Variants in NBAS observed in about 807,000 individuals in gnomAD.
The protein encoded by NBAS is NAG/BC035112 fusion.
NBAS carries 219 observed loss-of-function variants against 302.5 expected under a neutral mutation model. The ratio of observed to expected loss-of-function variants is 0.72; its 90% CI spans 0.65 to 0.81. NBAS has a LOEUF of 0.81. Ranked by LOEUF, NBAS falls within the 30% of genes least tolerant of loss-of-function variation. The pLI is 0.00. For missense variants in NBAS, 2,932 were observed against 2,841.6 expected (o/e 1.03, Z -0.72); for synonymous variants, 1,118 against 1,021.6 (o/e 1.09, Z -1.80).
chr2:15,382,742 A>G (rs1675102488), intron 29 of NBAS, among the ~76,000 whole-genome samples: 1 of 152,164 alleles, frequency 6.6e-6, no homozygotes, highest in Non-Finnish European at 1.5e-5. Context: ...CTACTTTTTG[A>G]TTATTGATAT....
chr2:14,906,482 C>CT, the NBAS span, among the ~76,000 whole-genome samples: 1 of 152,162 alleles, frequency 6.6e-6, no homozygotes, highest in Non-Finnish European at 1.5e-5. Flanking sequence ...GCTGCCTCTG[C>CT]CTGTGATGTG....
chr2:15,112,426 G>T, the NBAS span, among the ~76,000 whole-genome samples: 5 of 152,030 alleles, frequency 3.3e-5, no homozygotes, highest in Non-Finnish European at 5.9e-5. Context: ...AGCCAGTGAA[G>T]ATCCAACATA....
the NBAS span, among the ~76,000 whole-genome samples, chr2:14,856,175 C>A: frequency 1.3e-5 from 2 of 152,158 alleles, no homozygotes; most frequent in African/African-American, 4.8e-5. Flanking sequence ...AGAATTCTCC[C>A]AGATCTTGTC....
At chr2:14,897,734 A>C in the NBAS span, among the ~76,000 whole-genome samples, 1 of 152,226 alleles carries the variant, frequency 6.6e-6, no homozygotes, top group African/African-American at 2.4e-5. Context: ...ATCAGCAGCA[A>C]GGATGTTGAA....
chr2:15,229,347 CAAAAAAAAA>C (rs61152926), intron 47 of NBAS, among the ~76,000 whole-genome samples: 7 of 76,870 alleles, frequency 9.1e-5, no homozygotes, highest in African/African-American at 2.2e-4. Context: ...TCTCAAAAAA[CAAAAAAAAA>C]AAAAAAAAAA....
chr2:15,488,166 A>AG (rs1680712880), intron 12 of NBAS, among the ~76,000 whole-genome samples: 1 of 152,174 alleles, frequency 6.6e-6, no homozygotes, highest in African/African-American at 2.4e-5. Context: ...AAACAGAGTG[A>AG]GGGGGTGAGA....
intron 42 of NBAS, among the ~76,000 whole-genome samples, chr2:15,279,283 C>G (rs1200420677): frequency 6.6e-6 from 1 of 152,104 alleles, no homozygotes; most frequent in East Asian, 1.9e-4. Context: ...AATTGCCATT[C>G]AGAGAGGTTA....
At chr2:15,130,481 C>A in the NBAS span, among the ~76,000 whole-genome samples, 2 of 152,226 alleles carry the variant, frequency 1.3e-5, no homozygotes, top group African/African-American at 4.8e-5. Flanking sequence ...CTGCAGAGCC[C>A]TACACAGTCA....
chr2:15,031,055 G>C, the NBAS span, among the ~76,000 whole-genome samples: 2 of 152,178 alleles, frequency 1.3e-5, no homozygotes, highest in Non-Finnish European at 2.9e-5. Context: ...TCCATCATTT[G>C]ATTACAAATA....
intron 45 of NBAS, among the ~76,000 whole-genome samples, chr2:15,237,611 T>C (rs1446802133): frequency 6.2e-5 from 9 of 145,832 alleles, no homozygotes; most frequent in Non-Finnish European, 1.0e-4. Flanking sequence ...TATTTATTTA[T>C]CTGAGACAGA....
chr2:14,875,669 TTAAAA>T, the NBAS span, among the ~76,000 whole-genome samples: 12 of 152,114 alleles, frequency 7.9e-5, no homozygotes, highest in Non-Finnish European at 1.8e-4. Flanking sequence ...CAATAAAATA[TTAAAA>T]TTAAAAATAC....
chr2:15,000,320 A>G, the NBAS span, among the ~76,000 whole-genome samples: 1 of 152,130 alleles, frequency 6.6e-6, no homozygotes, highest in African/African-American at 2.4e-5. Context: ...CTCCTGGGTA[A>G]CTCTGGACTA....
At chr2:15,358,450 A>G (rs531708750) in intron 32 of NBAS, among the ~76,000 whole-genome samples, 3 of 151,892 alleles carry the variant, frequency 2.0e-5, no homozygotes, top group African/African-American at 7.2e-5. Context: ...GTGTGCATGT[A>G]TTTATTTATT....
At chr2:15,494,439 ATAGAAGTTAG>A (rs1321966952) in intron 11 of NBAS, among the ~76,000 whole-genome samples, 9 of 152,376 alleles carry the variant, frequency 5.9e-5, no homozygotes, top group African/African-American at 2.2e-4. Context: ...CTTTCTAAAT[ATAGAAGTTAG>A]TATGAAGATT....
At chr2:15,203,863 T>TG (rs34841680) in intron 48 of NBAS, among the ~76,000 whole-genome samples, 6,037 of 131,506 alleles carry the variant, frequency 0.046, 126 homozygotes, top group East Asian at 0.095. Context: ...TGTGTGTGTG[T>TG]CTGTGTCTGT....
chr2:14,834,598 C>T, the NBAS span, among the ~76,000 whole-genome samples: 1 of 152,100 alleles, frequency 6.6e-6, no homozygotes, highest in East Asian at 1.9e-4. Flanking sequence ...ACAACTTACA[C>T]ACAGGAAGAC....
intron 3 of NBAS, 86 bp from the exon 4 acceptor site, chr2:15,554,224 GAGACAC>G: frequency 9.0e-7 from 1 of 1,107,500 alleles, no homozygotes; most frequent in Non-Finnish European, 1.3e-6. Context: ...CTTATAGAGA[GAGACAC>G]AGATTTTTTT....
chr2:15,036,817 G>C, the NBAS span, among the ~76,000 whole-genome samples: 1 of 152,274 alleles, frequency 6.6e-6, no homozygotes, highest in South Asian at 2.1e-4. Flanking sequence ...GACTCTCAGA[G>C]GGGTTATTGG....
At chr2:14,910,165 C>T in the NBAS span, among the ~76,000 whole-genome samples, 1 of 152,192 alleles carries the variant, frequency 6.6e-6, no homozygotes, top group Non-Finnish European at 1.5e-5. Flanking sequence ...TAGCTGTTCT[C>T]CAAGAGAGAA....
Sources: allele counts gnomAD v4.1 joint callset (sites outside exome capture counted in the v4.1 genomes callset), GRCh38; gene constraint gnomAD v4.1.1; transcripts MANE v1.5; gene names NCBI Gene and HGNC (gene_info 2026-07-23, HGNC 2026-07-21).